Variants in DHRS2 observed in about 807,000 individuals in gnomAD.
DHRS2 encodes dehydrogenase/reductase SDR family member 2, mitochondrial.
Under a neutral mutation model 26.3 loss-of-function variants are expected in DHRS2, and 29 were observed. The observed-to-expected ratio is 1.10, with a 90% CI of 0.82 to 1.50. The LOEUF is 1.50. Among genes scored for constraint, DHRS2 ranks in the 40% most tolerant of loss-of-function variants. The pLI, the probability that DHRS2 is intolerant of heterozygous loss-of-function variation, is 0.00. For synonymous variants in DHRS2, 164 were observed against 151.3 expected, an observed-to-expected ratio of 1.08 and a Z score of -0.62; for missense variants, 439 against 367.1, an observed-to-expected ratio of 1.20 and a Z score of -1.60.
chr14:23,645,281 G>A lies in DHRS2; in HGVS notation c.*28G>A, dbSNP rs7150155. On this transcript the variant is annotated 3_prime_UTR_variant, in exon 9 of 9. Coordinates refer to ENST00000250383, the MANE Select transcript of DHRS2 (RefSeq NM_005794.4). Reference sequence around the variant, plus strand: ...GGAGTGGGGGCGGCTGCGTAGCTGTGGTCCCAGGCCCAGGAGCCTGAGGGG... The same window carrying A: ...GGAGTGGGGGCGGCTGCGTAGCTGTAGTCCCAGGCCCAGGAGCCTGAGGGG... 19,851 of 1,613,646 alleles carry A rather than the reference G, an allele frequency of 0.012. 2,051 individuals carry two copies. The African/African-American group carries it at 0.23, about 19-fold the overall frequency.
chr14:23,639,111 G>A, intron 2 of DHRS2, 68 bp from the exon 3 acceptor site: 1 of 1,594,890 alleles, frequency 6.3e-7, no homozygotes, highest in Admixed American at 1.7e-5. Flanking sequence ...CTGATTTCCA[G>A]AGCTGGGTAG....
upstream of DHRS2, among the ~76,000 whole-genome samples, chr14:23,632,438 A>G (rs1403918913): frequency 6.6e-6 from 1 of 152,226 alleles, no homozygotes; most frequent in Non-Finnish European, 1.5e-5. Context: ...GGAAAGAGGG[A>G]GGAGGTCTAG....
At chr14:23,638,514 C>T (rs754229106) in intron 1 of DHRS2, 9 of 204,542 alleles carry the variant, frequency 4.4e-5, no homozygotes, top group Non-Finnish European at 7.9e-5. Context: ...GTGTCCCCGC[C>T]TCTACTGCCC....
At chr14:23,631,768 G>C (rs17095178), upstream of DHRS2, among the ~76,000 whole-genome samples, 19,222 of 152,164 alleles carry the variant, frequency 0.13, 4,218 homozygotes, top group African/African-American at 0.44. Context: ...CAATTCTGCT[G>C]CAGCTGACCG....
In DHRS2 at chr14:23,636,381, C is replaced by T. The variant is rs949049828; in HGVS notation, c.-430C>T. On this transcript the variant is annotated 5_prime_UTR_variant, in exon 1 of 9. Transcript: ENST00000250383. ...CCGGCAGCAGCAACCTGCTCTGGTTCCCTTCCACGCTGTGGAAGCTTTGTT... is the reference window on the plus strand; with the variant it reads ...CCGGCAGCAGCAACCTGCTCTGGTTTCCTTCCACGCTGTGGAAGCTTTGTT... 2.0e-5 allele frequency: 3 copies of T among 152,082 alleles called. No individual in the cohort carries two copies. The highest frequency in any genetic ancestry group is 3.9e-4 in the East Asian group (2 of 5,164). The allele number at this position is 152,082 out of a possible 1,614,324, so 9.4% of individuals were successfully genotyped here.
chr14:23,640,506 AT>A, intron 4 of DHRS2: 1 of 911,390 alleles, frequency 1.1e-6, no homozygotes, highest in Non-Finnish European at 1.3e-6. Flanking sequence ...CTTGAAGCTC[AT>A]CTTGGGCCTA....
intron 4 of DHRS2, chr14:23,641,544 C>T (rs1371861611): frequency 4.1e-6 from 5 of 1,223,882 alleles, no homozygotes; most frequent in East Asian, 5.7e-5. Flanking sequence ...GGGGTCTTAC[C>T]TCAGCCCCTC....
At chr14:23,632,201 A>G (rs1458071127), upstream of DHRS2, among the ~76,000 whole-genome samples, 1 of 152,116 alleles carries the variant, frequency 6.6e-6, no homozygotes, top group East Asian at 1.9e-4. Context: ...ATTCCTCTCA[A>G]CCTCAAAAGG....
At chr14:23,640,334 C>T (rs1299087321) in intron 4 of DHRS2, 2 of 985,454 alleles carry the variant, frequency 2.0e-6, no homozygotes, top group African/African-American at 3.5e-5. Context: ...GAGACTGTCT[C>T]TCCTAGAAGG....
Position 23,636,983 on chromosome 14 carries a change from C to T in DHRS2, c.-39+211C>T, listed in dbSNP as rs184076622. The stretch of plus-strand genomic sequence containing the variant: ...TGTTGTTTTGCCTGGAACCAGCTTC[C>T]GCTTTTCCTGTACTTCTGGGCTGAG... On this transcript the variant is annotated intron_variant, in intron 1 of 8. Transcript: ENST00000250383. Among the ~76,000 whole-genome samples the T allele has an allele frequency of 3.0e-4, 46 of 152,272 alleles. No individual in the cohort carries two copies. The East Asian group carries it at 3.3e-3, about 11-fold the overall frequency.
intron 4 of DHRS2, chr14:23,641,895 T>C: frequency 8.2e-7 from 1 of 1,212,562 alleles, no homozygotes; most frequent in Non-Finnish European, 1.1e-6. Context: ...AGATGCAGGA[T>C]GCAGCTGACC....
At position 23,643,229 on chromosome 14, in the gene DHRS2, G is replaced by T; in HGVS notation, c.488+10G>T. ...CCTACATGGAGAACAGGTATGGCAG[G>T]GCGGGGGTGGGGACCAGTCGGAGTT... On this transcript the variant is annotated intron_variant, in intron 5 of 8. Coordinates refer to ENST00000250383, the MANE Select transcript of DHRS2 (RefSeq NM_005794.4). 6.2e-7 allele frequency: 1 copy of T among 1,613,674 alleles called. No homozygotes were observed. The highest frequency in any genetic ancestry group is 1.1e-5 in the South Asian group (1 of 91,038).
intron 4 of DHRS2, chr14:23,642,083 G>T (rs769993784): frequency 2.3e-5 from 25 of 1,064,860 alleles, no homozygotes; most frequent in Non-Finnish European, 2.6e-5. Flanking sequence ...GTGTGACTTA[G>T]CCCAGATTCA....
Position 23,644,058 on chromosome 14 carries a change from C to A in DHRS2, c.489-53C>A. On this transcript the variant is annotated intron_variant, in intron 5 of 8. Coordinates refer to ENST00000250383, the MANE Select transcript of DHRS2 (RefSeq NM_005794.4). ...ATTTAATGAACTCATGATAGTGTCACCATCAGTGGTAAGCTCTTAGCTTCA... is the reference window on the plus strand; with the variant it reads ...ATTTAATGAACTCATGATAGTGTCAACATCAGTGGTAAGCTCTTAGCTTCA... 1.1e-5 allele frequency: 17 copies of A among 1,558,550 alleles called. No individual in the cohort carries two copies. In the South Asian group the frequency reaches 1.8e-4, roughly 16 times the overall value.
In DHRS2 at chr14:23,645,412, G is replaced by A. The variant is rs1301214598; in HGVS notation, c.*159G>A. ...GCTTGAGGAAGAAGAAAAACGCTTC[G>A]GCATTCTCCTTAGGACTTATCTGCT... On this transcript the variant is annotated 3_prime_UTR_variant, in exon 9 of 9. Coordinates refer to ENST00000250383, the MANE Select transcript of DHRS2 (RefSeq NM_005794.4). 1.8e-5 allele frequency: 27 copies of A among 1,459,592 alleles called. No individual in the cohort carries two copies. The highest frequency in any genetic ancestry group is 2.5e-4 in the Middle Eastern group (1 of 4,000). The allele number at this position is 1,459,592 out of a possible 1,614,324, so 90.4% of individuals were successfully genotyped here. A position where few individuals can be genotyped will look rare whatever the true frequency, so the allele number is the denominator to read the frequency against.
At chr14:23,637,304 T>C (rs1890360657) in intron 1 of DHRS2, among the ~76,000 whole-genome samples, 1 of 152,174 alleles carries the variant, frequency 6.6e-6, no homozygotes, top group African/African-American at 2.4e-5. Flanking sequence ...TCTGTTACCT[T>C]CTTTAGGCAC....
chr14:23,640,274 G>C, intron 4 of DHRS2: 1 of 988,464 alleles, frequency 1.0e-6, no homozygotes, highest in Non-Finnish European at 1.2e-6. Context: ...CCCTTTTGTA[G>C]GGGAAGATAC....
At chr14:23,641,851 C>T (rs1237542364) in intron 4 of DHRS2, 4 of 1,239,458 alleles carry the variant, frequency 3.2e-6, no homozygotes, top group Non-Finnish European at 4.1e-6. Context: ...AGTGAACAGT[C>T]CTGGTGAGTT....
At chr14:23,641,739 GT>G in intron 4 of DHRS2, 1 of 1,289,692 alleles carries the variant, frequency 7.8e-7, no homozygotes, top group Non-Finnish European at 1.0e-6. Flanking sequence ...CCCCACACTG[GT>G]AACCTGTCAT....
Sources: allele counts gnomAD v4.1 joint callset (sites outside exome capture counted in the v4.1 genomes callset), GRCh38; gene constraint gnomAD v4.1.1; transcripts MANE v1.5; gene names NCBI Gene and HGNC (gene_info 2026-07-23, HGNC 2026-07-21).